ADGB: variants seen among roughly 807,000 people sequenced by gnomAD.
ADGB encodes the protein calpain-7-like protein.
ADGB carries 172 observed loss-of-function variants against 210.5 expected under a neutral mutation model. The ratio of observed to expected loss-of-function variants is 0.82; its 90% CI spans 0.72 to 0.93. The LOEUF is 0.93. Among genes scored for constraint, ADGB ranks in the 40% least tolerant of loss-of-function variants. The pLI, the probability that ADGB is intolerant of heterozygous loss-of-function variation, is 0.00. For missense variants in ADGB, 2,025 were observed against 1,964.8 expected (o/e 1.03, Z -0.58); for synonymous variants, 658 against 662.7 (o/e 0.99, Z 0.11).
intron 16 of ADGB, among the ~76,000 whole-genome samples, chr6:146,719,806 A>G (rs1209468436): frequency 1.3e-5 from 2 of 152,160 alleles, no homozygotes; most frequent in Non-Finnish European, 2.9e-5. Flanking sequence ...TGCCAGGCTC[A>G]CAAGTCCAAG....
intron 23 of ADGB, 24 bp from the exon 24 acceptor site, chr6:146,740,435 C>G: frequency 6.7e-7 from 1 of 1,496,904 alleles, no homozygotes; most frequent in South Asian, 1.3e-5. Context: ...GCCATTGATA[C>G]ATAATTTATT....
chr6:146,778,279 A>C (rs146808283), intron 29 of ADGB, among the ~76,000 whole-genome samples: 17 of 152,116 alleles, frequency 1.1e-4, no homozygotes, highest in African/African-American at 3.1e-4. Flanking sequence ...AAGGGCTGGT[A>C]CTGCAACACC....
chr6:146,762,893 A>C (rs925380148), intron 27 of ADGB, among the ~76,000 whole-genome samples: 3 of 152,168 alleles, frequency 2.0e-5, no homozygotes, highest in Non-Finnish European at 4.4e-5. Flanking sequence ...ACAGCCCCCC[A>C]GTAGTTATTG....
intron 22 of ADGB, 28 bp downstream of exon 22, chr6:146,734,058 G>T: frequency 1.3e-6 from 2 of 1,542,230 alleles, no homozygotes; most frequent in South Asian, 2.4e-5. Flanking sequence ...TTTATAAAAT[G>T]AACTTGTTTG....
At chr6:146,640,303 T>C (rs952036147) in intron 2 of ADGB, among the ~76,000 whole-genome samples, 6 of 151,904 alleles carry the variant, frequency 3.9e-5, no homozygotes, top group Admixed American at 3.9e-4. Flanking sequence ...CGGGACCTGA[T>C]GGATTAACAG....
intron 5 of ADGB, among the ~76,000 whole-genome samples, chr6:146,659,184 T>A (rs561208587): frequency 2.2e-3 from 328 of 152,310 alleles, no homozygotes; most frequent in Non-Finnish European, 3.7e-3. Context: ...TGATTTTGAT[T>A]TTTTTCTCTT....
intron 8 of ADGB, among the ~76,000 whole-genome samples, chr6:146,675,269 C>T (rs1422448095): frequency 6.6e-6 from 1 of 151,848 alleles, no homozygotes; most frequent in African/African-American, 2.4e-5. Context: ...GCCTGGACAA[C>T]CTGGTGAAAT....
intron 11 of ADGB, among the ~76,000 whole-genome samples, chr6:146,691,510 T>A (rs1476338300): frequency 4.4e-5 from 2 of 45,516 alleles, no homozygotes; most frequent in African/African-American, 1.7e-4. Context: ...ATTTTTTTTT[T>A]TTTTTTTTTT....
chr6:146,806,482 C>A (rs2114670966), intron 35 of ADGB, among the ~76,000 whole-genome samples: 1 of 152,248 alleles, frequency 6.6e-6, no homozygotes, highest in South Asian at 2.1e-4. Flanking sequence ...TTTAGTCAAT[C>A]CAGTTTTATT....
At chr6:146,814,517 A>G (rs1033065325) in intron 35 of ADGB, among the ~76,000 whole-genome samples, 1 of 152,194 alleles carries the variant, frequency 6.6e-6, no homozygotes, top group Non-Finnish European at 1.5e-5. Flanking sequence ...AGCTACATAT[A>G]AGGCCTTGGT....
intron 5 of ADGB, among the ~76,000 whole-genome samples, chr6:146,660,279 T>C (rs1340084359): frequency 6.6e-6 from 1 of 152,234 alleles, no homozygotes; most frequent in African/African-American, 2.4e-5. Context: ...TTTTCTATCA[T>C]TCAATTACTT....
intron 9 of ADGB, among the ~76,000 whole-genome samples, chr6:146,680,404 T>C (rs574995626): frequency 1.3e-5 from 2 of 152,300 alleles, no homozygotes; most frequent in East Asian, 3.9e-4. Flanking sequence ...AGAAACTATA[T>C]CATGTTTAAG....
intron 1 of ADGB, among the ~76,000 whole-genome samples, chr6:146,627,839 G>T (rs1382468642): frequency 6.6e-6 from 1 of 152,062 alleles, no homozygotes; most frequent in Non-Finnish European, 1.5e-5. Context: ...AATATGCTGG[G>T]ATTTGCCTGT....
chr6:146,800,558 C>G (rs1778113676), intron 33 of ADGB, among the ~76,000 whole-genome samples: 2 of 151,832 alleles, frequency 1.3e-5, no homozygotes, highest in South Asian at 4.2e-4. Context: ...AAGCAGTGGT[C>G]TGGAAATGCT....
In ADGB at chr6:146,636,435, G is replaced by T. The variant is rs114422900; in HGVS notation, c.237+898G>T. 9.1e-3 allele frequency among the ~76,000 whole-genome samples: 1,382 copies of T among 152,096 alleles called. 14 individuals carry two copies. The highest frequency in any genetic ancestry group is 0.031 in the African/African-American group (1,295 of 41,516). ...GCTGACTCTGTTAGCACCTAAACAA[G>T]TTCCAAATTAGCAACATGTAAGGGA... On this transcript the variant is annotated intron_variant, in intron 2 of 35. Transcript: ENST00000397944.
intron 20 of ADGB, 47 bp downstream of exon 20, chr6:146,728,788 C>CA: frequency 7.0e-7 from 1 of 1,428,690 alleles, no homozygotes; most frequent in Non-Finnish European, 9.4e-7. Flanking sequence ...ACTTTCTTTT[C>CA]AAAATGGTAT....
At chr6:146,749,040 G>A (rs189339949) in intron 26 of ADGB, among the ~76,000 whole-genome samples, 3 of 152,244 alleles carry the variant, frequency 2.0e-5, no homozygotes, top group Non-Finnish European at 2.9e-5. Flanking sequence ...GGTGGTAGGC[G>A]GGGACACAAT....
intron 12 of ADGB, among the ~76,000 whole-genome samples, chr6:146,695,120 G>A (rs1776385598): frequency 6.6e-6 from 1 of 152,110 alleles, no homozygotes; most frequent in African/African-American, 2.4e-5. Context: ...CAAGGACTTT[G>A]AGGAACAATG....
Position 146,716,890 on chromosome 6 carries a change from T to C in ADGB, c.1749T>C (p.Asp583=). 4 of 1,548,324 alleles carry C rather than the reference T, an allele frequency of 2.6e-6. No homozygotes were observed. The highest frequency in any genetic ancestry group is 1.2e-5 in the South Asian group (1 of 83,342). Residue 583 remains aspartate, a synonymous_variant, in exon 15 of 36, where the codon GAT becomes GAC. Coordinates refer to ENST00000397944, the MANE Select transcript of ADGB (RefSeq NM_024694.4). The stretch of plus-strand genomic sequence containing the variant: ...GACATGTGTGTCTTCTAGGCACAGA[T>C]GAACAAACAGACTTTGGATTGGGTG... ...ASQVILGKGT[D]EQTDFGLGDA...
Sources: gnomAD v4.1 joint callset for allele counts (sites outside exome capture counted in the v4.1 genomes callset) on GRCh38, gnomAD v4.1.1 for gene constraint, MANE v1.5 for transcripts, NCBI Gene and HGNC (gene_info 2026-07-23, HGNC 2026-07-21) for gene names.